Variants in SLC29A3 observed in about 807,000 individuals in gnomAD.
SLC29A3 encodes the protein equilibrative nucleoside transporter 3.
In SLC29A3, 18 loss-of-function variants were observed where a neutral mutation model predicts 25.4. That is an observed-to-expected ratio of 0.71 (90% CI 0.49 to 1.05). SLC29A3 has a LOEUF of 1.05. Ranked by LOEUF, SLC29A3 falls within the 50% of genes least tolerant of loss-of-function variation. The pLI, the probability that SLC29A3 is intolerant of heterozygous loss-of-function variation, is 0.00. For missense variants in SLC29A3, 586 were observed against 609.0 expected (o/e 0.96, Z 0.40); for synonymous variants, 258 against 267.1 (o/e 0.97, Z 0.33).
At chr10:71,354,082 C>T (rs563243546) in intron 4 of SLC29A3, among the ~76,000 whole-genome samples, 38 of 152,302 alleles carry the variant, frequency 2.5e-4, no homozygotes, top group African/African-American at 9.1e-4. Context: ...AAAGGGTTTA[C>T]CCGTTGTTGC....
At chr10:71,340,152 C>T (rs561824748) in intron 2 of SLC29A3, among the ~76,000 whole-genome samples, 3 of 152,356 alleles carry the variant, frequency 2.0e-5, no homozygotes, top group Non-Finnish European at 2.9e-5. Flanking sequence ...GCTTGGGAGG[C>T]CTGTCACCTC....
chr10:71,364,772 G>C (rs1341781769), downstream of SLC29A3: 1 of 152,266 alleles, frequency 6.6e-6, no homozygotes, highest in Non-Finnish European at 1.5e-5. Context: ...AGGACACCTT[G>C]AAAGGGTTTC....
chr10:71,350,857 C>T (rs1055557825), intron 3 of SLC29A3, among the ~76,000 whole-genome samples: 1 of 152,188 alleles, frequency 6.6e-6, no homozygotes, highest in Non-Finnish European at 1.5e-5. Flanking sequence ...GTTCCTCAGC[C>T]TCTCTGATGT....
At chr10:71,373,894 G>A (rs1847230749) in intron 3 of SLC29A3, among the ~76,000 whole-genome samples, 1 of 152,214 alleles carries the variant, frequency 6.6e-6, no homozygotes, top group Admixed American at 6.5e-5. Flanking sequence ...GCAGAGTTGG[G>A]ACTTATAGGT....
At chr10:71,369,580 G>C (rs1402059274) in intron 3 of SLC29A3, among the ~76,000 whole-genome samples, 1 of 152,204 alleles carries the variant, frequency 6.6e-6, no homozygotes, top group African/African-American at 2.4e-5. Flanking sequence ...ATGACTGTTT[G>C]CTAAGGAGAT....
intron 4 of SLC29A3, among the ~76,000 whole-genome samples, chr10:71,352,138 TC>T (rs1846782450): frequency 6.6e-6 from 1 of 152,148 alleles, no homozygotes; most frequent in Non-Finnish European, 1.5e-5. Context: ...GCCAGGGACT[TC>T]CGTTCCTCTC....
At chr10:71,358,855 G>A (rs1846982557) in intron 5 of SLC29A3, among the ~76,000 whole-genome samples, 2 of 152,212 alleles carry the variant, frequency 1.3e-5, no homozygotes, top group East Asian at 1.9e-4. Flanking sequence ...TTCCAGCTGA[G>A]CATGTGAGAC....
intron 3 of SLC29A3, among the ~76,000 whole-genome samples, chr10:71,369,667 C>G (rs1255914181): frequency 6.6e-6 from 1 of 152,228 alleles, no homozygotes; most frequent in East Asian, 1.9e-4. Flanking sequence ...CCTGCTTCTG[C>G]AGCAGGATGA....
At chr10:71,328,505 C>T (rs934140145) in intron 2 of SLC29A3, among the ~76,000 whole-genome samples, 1 of 152,226 alleles carries the variant, frequency 6.6e-6, no homozygotes, top group Non-Finnish European at 1.5e-5. Flanking sequence ...AGGTCAGGAA[C>T]TGTTATCATC....
At chr10:71,368,915 A>G (rs536133739) in intron 3 of SLC29A3, among the ~76,000 whole-genome samples, 2 of 152,304 alleles carry the variant, frequency 1.3e-5, no homozygotes, top group Non-Finnish European at 2.9e-5. Context: ...TGCACATAAA[A>G]CATTTGGAAT....
chr10:71,345,036 T>C (rs921069592), intron 3 of SLC29A3, among the ~76,000 whole-genome samples: 9 of 152,300 alleles, frequency 5.9e-5, no homozygotes, highest in African/African-American at 2.2e-4. Flanking sequence ...GATCTCTAGC[T>C]GGACAAGATT....
chr10:71,358,899 G>C (rs1026080729), intron 5 of SLC29A3, among the ~76,000 whole-genome samples: 2 of 152,000 alleles, frequency 1.3e-5, no homozygotes, highest in Non-Finnish European at 2.9e-5. Context: ...TCCTGTAGAC[G>C]CTTCTATTTC....
Position 71,328,960 on chromosome 10 carries a change from A to G in SLC29A3, c.300+5906A>G, listed in dbSNP as rs1219551201. 2.6e-5 allele frequency among the ~76,000 whole-genome samples: 4 copies of G among 152,136 alleles called. No individual in the cohort carries two copies. The South Asian group carries it at 6.2e-4, about 24-fold the overall frequency. On this transcript the variant is annotated intron_variant, in intron 2 of 5. Coordinates refer to ENST00000373189, the MANE Select transcript of SLC29A3 (RefSeq NM_018344.6). ...CTGCCCTTGAAGGGCTGACCTCCCAATCCAAGGAGGAAGTGTTCAAAGGAA... is the reference window on the plus strand; with the variant it reads ...CTGCCCTTGAAGGGCTGACCTCCCAGTCCAAGGAGGAAGTGTTCAAAGGAA...
intron 4 of SLC29A3, among the ~76,000 whole-genome samples, chr10:71,354,889 C>T (rs1006349080): frequency 3.9e-5 from 6 of 152,200 alleles, no homozygotes; most frequent in African/African-American, 9.7e-5. Flanking sequence ...GGCAAATAAA[C>T]ACAGGCAGGG....
At chr10:71,339,030 A>G (rs1451531305) in intron 2 of SLC29A3, among the ~76,000 whole-genome samples, 2 of 152,164 alleles carry the variant, frequency 1.3e-5, no homozygotes, top group Non-Finnish European at 2.9e-5. Context: ...GATGATAAAT[A>G]TGTCTCCACC....
intron 3 of SLC29A3, among the ~76,000 whole-genome samples, chr10:71,350,020 T>C (rs1048287858): frequency 6.6e-6 from 1 of 152,182 alleles, no homozygotes; most frequent in African/African-American, 2.4e-5. Flanking sequence ...CACACAGTAG[T>C]TGCTCAATGC....
intron 3 of SLC29A3, among the ~76,000 whole-genome samples, chr10:71,369,875 G>T (rs112702599): frequency 5.3e-5 from 8 of 152,224 alleles, no homozygotes; most frequent in African/African-American, 1.7e-4. Context: ...TCCAAAGCCT[G>T]TCTTTCCTCT....
intron 3 of SLC29A3, among the ~76,000 whole-genome samples, chr10:71,348,389 C>G (rs997953396): frequency 6.6e-6 from 1 of 152,220 alleles, no homozygotes; most frequent in African/African-American, 2.4e-5. Flanking sequence ...TCGGGTCTAG[C>G]TGCTTCTTTT....
chr10:71,319,402 G>T (rs1286820840), intron 1 of SLC29A3, 92 bp downstream of exon 1: 13 of 540,612 alleles, frequency 2.4e-5, no homozygotes, highest in Non-Finnish European at 4.2e-5. Flanking sequence ...CCTGGGGGCG[G>T]CTGCGGGCTG....
Sources: allele counts gnomAD v4.1 joint callset (sites outside exome capture counted in the v4.1 genomes callset), GRCh38; gene constraint gnomAD v4.1.1; transcripts MANE v1.5; gene names NCBI Gene and HGNC (gene_info 2026-07-23, HGNC 2026-07-21).